Variants in EYA1 observed in about 807,000 individuals in gnomAD.
The protein encoded by EYA1 is protein phosphatase EYA1.
A neutral mutation model predicts 82.0 loss-of-function variants in EYA1; 16 were observed. The ratio of observed to expected loss-of-function variants is 0.20; its 90% CI spans 0.13 to 0.30. EYA1 has a LOEUF of 0.30. EYA1 is among the 10% of genes least tolerant of loss of function. EYA1 has a pLI of 1.00. For synonymous variants in EYA1, 261 were observed against 264.4 expected (o/e 0.99, Z 0.12); for missense variants, 633 against 730.7 (o/e 0.87, Z 1.54).
intron 2 of EYA1, among the ~76,000 whole-genome samples, chr8:71,505,949 T>C (rs1490706805): frequency 8.5e-5 from 13 of 152,056 alleles, no homozygotes; most frequent in Non-Finnish European, 1.8e-4. Flanking sequence ...AAACTGATGG[T>C]TTTATAAGTG....
intron 16 of EYA1, among the ~76,000 whole-genome samples, chr8:71,214,862 T>C (rs1184030193): frequency 8.5e-5 from 13 of 152,254 alleles, no homozygotes; most frequent in Admixed American, 8.5e-4. Flanking sequence ...CCTTGATTTA[T>C]ATTCTAACTA....
intron 3 of EYA1, among the ~76,000 whole-genome samples, chr8:71,347,525 T>C (rs1825859921): frequency 6.6e-6 from 1 of 152,090 alleles, no homozygotes; most frequent in Admixed American, 6.5e-5. Flanking sequence ...GGTTTCACCT[T>C]GTTATCCAGG....
At chr8:71,380,294 G>A (rs1828623567) in intron 2 of EYA1, among the ~76,000 whole-genome samples, 1 of 152,176 alleles carries the variant, frequency 6.6e-6, no homozygotes, top group Non-Finnish European at 1.5e-5. Flanking sequence ...TGTGCCCACG[G>A]CTCTTGCTAC....
chr8:71,361,512 T>A (rs998588146), intron 1 of EYA1, 135 bp downstream of exon 1: 1 of 294,620 alleles, frequency 3.4e-6, no homozygotes, highest in African/African-American at 2.3e-5. Context: ...GTGTCATAAT[T>A]TTCCCCATGC....
At chr8:71,265,885 G>C (rs192777847) in intron 11 of EYA1, among the ~76,000 whole-genome samples, 1 of 152,268 alleles carries the variant, frequency 6.6e-6, no homozygotes. Flanking sequence ...CCTCAGCCAT[G>C]GCTGACTGTG....
At chr8:71,438,858 C>A (rs746197467) in intron 2 of EYA1, among the ~76,000 whole-genome samples, 2 of 152,094 alleles carry the variant, frequency 1.3e-5, no homozygotes, top group Non-Finnish European at 2.9e-5. Flanking sequence ...GATCTGTGTA[C>A]GGAGGTTTGG....
intron 1 of EYA1, chr8:71,356,765 C>T: frequency 8.4e-7 from 1 of 1,184,822 alleles, no homozygotes; most frequent in Non-Finnish European, 1.0e-6. Flanking sequence ...TGATTCATCA[C>T]TGGCCTATGA....
At chr8:71,486,786 G>A (rs1483513457) in intron 2 of EYA1, among the ~76,000 whole-genome samples, 1 of 151,946 alleles carries the variant, frequency 6.6e-6, no homozygotes, top group Non-Finnish European at 1.5e-5. Context: ...CTCCCACCAG[G>A]GAGTTGTCTC....
At chr8:71,335,663 C>T (rs1463455907) in intron 3 of EYA1, among the ~76,000 whole-genome samples, 1 of 152,098 alleles carries the variant, frequency 6.6e-6, no homozygotes, top group Admixed American at 6.6e-5. Context: ...CTCTCCATGA[C>T]ACCAGACAAC....
intron 2 of EYA1, among the ~76,000 whole-genome samples, chr8:71,512,024 G>A (rs1386056549): frequency 2.7e-5 from 1 of 37,302 alleles, no homozygotes; most frequent in Non-Finnish European, 5.0e-5. Flanking sequence ...TTGTTGTCAT[G>A]ATCAAATGAT....
At chr8:71,239,365 T>G (rs1417782194) in intron 12 of EYA1, among the ~76,000 whole-genome samples, 1 of 152,202 alleles carries the variant, frequency 6.6e-6, no homozygotes, top group Admixed American at 6.6e-5. Flanking sequence ...CTCTATTATC[T>G]TCTATGAAGA....
chr8:71,339,967 T>C (rs978504156), intron 3 of EYA1, among the ~76,000 whole-genome samples: 3 of 152,182 alleles, frequency 2.0e-5, no homozygotes, highest in African/African-American at 4.8e-5. Context: ...CCACACTCTA[T>C]AATTTCCACC....
In EYA1 at chr8:71,322,012, A is replaced by T. The variant is rs532647773; in HGVS notation, c.273-133T>A. 20 of 1,287,480 alleles carry T rather than the reference A, an allele frequency of 1.6e-5. No homozygotes were observed. In the African/African-American group the frequency reaches 2.6e-4, roughly 17 times the overall value. 79.8% of individuals were successfully genotyped at this position (1,287,480 alleles called of 1,614,324 possible). A position where few individuals can be genotyped will look rare whatever the true frequency, so the allele number is the denominator to read the frequency against. Reference sequence around the variant, plus strand: ...TAAAACTTTCACACAGAATTGACAAAGCACTGAAATACTTCAGTGTCTCCA... The same window carrying T: ...TAAAACTTTCACACAGAATTGACAATGCACTGAAATACTTCAGTGTCTCCA... On this transcript the variant is annotated intron_variant, in intron 5 of 17. Coordinates refer to ENST00000340726, the MANE Select transcript of EYA1 (RefSeq NM_000503.6).
Position 71,199,440 on chromosome 8 carries a change from A to T in EYA1, c.1699-20T>A. The T allele has an allele frequency of 1.9e-6, 3 of 1,590,488 alleles. No individual in the cohort carries two copies. Among genetic ancestry groups the T allele is most frequent in the Non-Finnish European group, 2.6e-6 (3 of 1,161,386 alleles). ...CGCGTGCTGCAGCAGAGGCACACAT[A>T]CATGTGAGGACAGAGCACCCAGCGC... On this transcript the variant is annotated intron_variant, in intron 17 of 17. Coordinates refer to ENST00000340726, the MANE Select transcript of EYA1 (RefSeq NM_000503.6).
chr8:71,267,736 G>A (rs1205347938), intron 11 of EYA1, among the ~76,000 whole-genome samples: 1 of 152,064 alleles, frequency 6.6e-6, no homozygotes, highest in Non-Finnish European at 1.5e-5. Context: ...TTTTAGTAGA[G>A]ACGGGGTTTC....
intron 12 of EYA1, among the ~76,000 whole-genome samples, chr8:71,238,208 T>A (rs376656079): frequency 1.2e-4 from 19 of 152,316 alleles, no homozygotes; most frequent in African/African-American, 4.6e-4. Context: ...TGGTTTTATT[T>A]AAAACATACA....
At chr8:71,286,827 G>A in intron 9 of EYA1, among the ~76,000 whole-genome samples, 1 of 132,534 alleles carries the variant, frequency 7.5e-6, no homozygotes, top group African/African-American at 2.9e-5. Context: ...TTTTGAGACA[G>A]AGACTTACTC....
At chr8:71,296,045 T>C (rs1652380291) in intron 9 of EYA1, among the ~76,000 whole-genome samples, 1 of 152,210 alleles carries the variant, frequency 6.6e-6, no homozygotes, top group South Asian at 2.1e-4. Flanking sequence ...GATTCTAATG[T>C]ATCTGCAGAT....
At chr8:71,400,265 G>C (rs780340972) in intron 2 of EYA1, among the ~76,000 whole-genome samples, 1 of 152,140 alleles carries the variant, frequency 6.6e-6, no homozygotes, top group Non-Finnish European at 1.5e-5. Context: ...AACATCAAAA[G>C]CAATTGCAAC....
Sources: gnomAD v4.1 joint callset for allele counts (sites outside exome capture counted in the v4.1 genomes callset) on GRCh38, gnomAD v4.1.1 for gene constraint, MANE v1.5 for transcripts, NCBI Gene and HGNC (gene_info 2026-07-23, HGNC 2026-07-21) for gene names.